Variants in ACOXL observed in about 807,000 individuals in gnomAD.
ACOXL encodes the protein acyl-coenzyme A oxidase-like protein.
ACOXL carries 70 observed loss-of-function variants against 71.9 expected under a neutral mutation model. The ratio of observed to expected loss-of-function variants is 0.97; its 90% CI spans 0.80 to 1.19. The LOEUF (loss-of-function observed/expected upper bound fraction) is 1.19, where lower values mean the gene tolerates loss of function less well. Among genes scored for constraint, ACOXL ranks in the 50% most tolerant of loss-of-function variants. The pLI is 0.00. For synonymous variants in ACOXL, 253 were observed against 281.6 expected, an observed-to-expected ratio of 0.90 and a Z score of 1.02; for missense variants, 703 against 736.3, an observed-to-expected ratio of 0.95 and a Z score of 0.52.
intron 17 of ACOXL, among the ~76,000 whole-genome samples, chr2:111,094,753 CA>C (rs1318508649): frequency 1.3e-5 from 2 of 152,166 alleles, no homozygotes; most frequent in African/African-American, 2.4e-5. Flanking sequence ...GCATTCTAGA[CA>C]GAGTTCAGCT....
At chr2:111,043,907 C>T (rs1037638253) in intron 15 of ACOXL, among the ~76,000 whole-genome samples, 1 of 152,202 alleles carries the variant, frequency 6.6e-6, no homozygotes, top group African/African-American at 2.4e-5. Context: ...TGAAGCTCAG[C>T]TGGTGCAATC....
chr2:111,072,856 C>G (rs1008063942), intron 16 of ACOXL, among the ~76,000 whole-genome samples: 4 of 152,170 alleles, frequency 2.6e-5, no homozygotes, highest in Admixed American at 6.5e-5. Context: ...AAGCATATAA[C>G]TTTAGAAGAA....
intron 10 of ACOXL, among the ~76,000 whole-genome samples, chr2:110,862,519 G>A (rs965662641): frequency 2.0e-5 from 3 of 152,288 alleles, no homozygotes; most frequent in South Asian, 2.1e-4. Context: ...CAAAAAGGGG[G>A]CCTCTTTGGT....
chr2:110,884,553 A>T (rs1357782643), intron 10 of ACOXL, among the ~76,000 whole-genome samples: 1 of 152,226 alleles, frequency 6.6e-6, no homozygotes, highest in Non-Finnish European at 1.5e-5. Flanking sequence ...AGTGAAAAAA[A>T]CTGAGCTACA....
chr2:111,040,888 C>T (rs2065750377), intron 15 of ACOXL, among the ~76,000 whole-genome samples: 1 of 151,984 alleles, frequency 6.6e-6, no homozygotes, highest in South Asian at 2.1e-4. Flanking sequence ...GTGCCAAGGC[C>T]CGTAGCTGTC....
At chr2:111,025,521 G>T (rs2064979098) in intron 14 of ACOXL, among the ~76,000 whole-genome samples, 1 of 152,158 alleles carries the variant, frequency 6.6e-6, no homozygotes, top group Admixed American at 6.5e-5. Context: ...CCATTTTAGT[G>T]GGTGCGTAGT....
rs572829149 is a variant in ACOXL at position 110,809,673 on chromosome 2, G to T, written c.753+4278G>T. ...GAGAGTCTCTCCCTGCTGTTGATGG[G>T]GGTTTGAAATGGGTTATTGCATCCT... On this transcript the variant is annotated intron_variant, in intron 9 of 17. Transcript: ENST00000439055. Among the ~76,000 whole-genome samples the T allele has an allele frequency of 8.6e-4, 131 of 152,330 alleles. 1 individual carries two copies. Among genetic ancestry groups the T allele is most frequent in the African/African-American group, 3.1e-3 (129 of 41,572 alleles).
chr2:110,766,252 A>G (rs1681050321), intron 1 of ACOXL, among the ~76,000 whole-genome samples: 1 of 152,108 alleles, frequency 6.6e-6, no homozygotes, highest in South Asian at 2.1e-4. Flanking sequence ...ATCATGAGCA[A>G]TTTTTTATTG....
chr2:110,899,942 AG>A (rs1227320902), intron 10 of ACOXL, among the ~76,000 whole-genome samples: 2 of 152,114 alleles, frequency 1.3e-5, no homozygotes, highest in Non-Finnish European at 1.5e-5. Context: ...TTGTGCTAGG[AG>A]GCCCTGTCCA....
chr2:111,036,381 C>A (rs529301850), intron 15 of ACOXL, among the ~76,000 whole-genome samples: 1 of 152,276 alleles, frequency 6.6e-6, no homozygotes, highest in Non-Finnish European at 1.5e-5. Flanking sequence ...GCCACTGCCC[C>A]TGCTTCTGGC....
intron 12 of ACOXL, among the ~76,000 whole-genome samples, chr2:110,951,202 A>G (rs984908182): frequency 2.6e-5 from 4 of 152,176 alleles, no homozygotes; most frequent in East Asian, 1.9e-4. Flanking sequence ...AGCTGAGTAG[A>G]TATCTATTAT....
intron 10 of ACOXL, among the ~76,000 whole-genome samples, chr2:110,859,874 G>A (rs1281407096): frequency 2.0e-5 from 3 of 152,098 alleles, no homozygotes; most frequent in East Asian, 1.9e-4. Flanking sequence ...CAGACTCACC[G>A]AAGAGGGAAG....
intron 14 of ACOXL, among the ~76,000 whole-genome samples, chr2:111,018,681 C>T (rs2064585718): frequency 6.7e-6 from 1 of 149,228 alleles, no homozygotes; most frequent in African/African-American, 2.5e-5. Context: ...GAGGATGCAG[C>T]CCGAGCTTGG....
intron 9 of ACOXL, among the ~76,000 whole-genome samples, chr2:110,817,588 G>A (rs907381829): frequency 1.3e-5 from 2 of 152,176 alleles, no homozygotes; most frequent in East Asian, 3.9e-4. Context: ...TGGCCCATGA[G>A]AGATTCCAAG....
At chr2:111,112,885 T>C (rs1004799089) in intron 17 of ACOXL, 2 of 152,248 alleles carry the variant, frequency 1.3e-5, no homozygotes, top group African/African-American at 4.8e-5. Flanking sequence ...CAAGCTGGAC[T>C]TTTCACATGG....
intron 10 of ACOXL, among the ~76,000 whole-genome samples, chr2:110,845,864 G>A (rs1455817225): frequency 2.6e-5 from 4 of 151,982 alleles, no homozygotes; most frequent in Admixed American, 2.0e-4. Flanking sequence ...CCACCTCTTC[G>A]CCACTGTGAA....
At chr2:110,734,925 A>G (rs1449596300) in intron 1 of ACOXL, among the ~76,000 whole-genome samples, 1 of 152,152 alleles carries the variant, frequency 6.6e-6, no homozygotes, top group East Asian at 1.9e-4. Flanking sequence ...AATGCAGATA[A>G]TATCAATGCT....
intron 12 of ACOXL, among the ~76,000 whole-genome samples, chr2:110,981,494 G>C (rs961236143): frequency 1.3e-5 from 2 of 152,218 alleles, no homozygotes; most frequent in Non-Finnish European, 2.9e-5. Flanking sequence ...ACCCAAAGTT[G>C]TCATGAAGAT....
intron 9 of ACOXL, among the ~76,000 whole-genome samples, chr2:110,806,730 T>TA (rs1165338783): frequency 6.6e-6 from 1 of 152,238 alleles, no homozygotes; most frequent in African/African-American, 2.4e-5. Context: ...TGGGCGCATA[T>TA]AAAAAACGCA....
Sources: gnomAD v4.1 joint callset for allele counts (sites outside exome capture counted in the v4.1 genomes callset) on GRCh38, gnomAD v4.1.1 for gene constraint, MANE v1.5 for transcripts, NCBI Gene and HGNC (gene_info 2026-07-23, HGNC 2026-07-21) for gene names.